STOX2: variants seen among roughly 807,000 people sequenced by gnomAD.
STOX2 encodes storkhead box 2.
A neutral mutation model predicts 60.9 loss-of-function variants in STOX2; 28 were observed. The ratio of observed to expected loss-of-function variants is 0.46; its 90% CI spans 0.34 to 0.63. The LOEUF is 0.63. STOX2 is among the 30% of genes least tolerant of loss of function. The pLI is 0.01. For synonymous variants in STOX2, 472 were observed against 463.9 expected (o/e 1.02, Z -0.22); for missense variants, 1,024 against 1,187.7 (o/e 0.86, Z 2.03).
intron 1 of STOX2, among the ~76,000 whole-genome samples, chr4:183,931,216 G>A (rs894917736): frequency 2.6e-5 from 4 of 152,174 alleles, no homozygotes; most frequent in Admixed American, 6.5e-5. Flanking sequence ...CTGAGGTCAG[G>A]AGTTCAAGAC....
chr4:183,913,947 A>C (rs1380844253), intron 1 of STOX2, among the ~76,000 whole-genome samples: 2 of 152,218 alleles, frequency 1.3e-5, no homozygotes, highest in African/African-American at 4.8e-5. Flanking sequence ...GAATTAAAGA[A>C]ACAATTTTGC....
intron 1 of STOX2, among the ~76,000 whole-genome samples, chr4:183,891,464 G>A (rs1231960959): frequency 6.8e-6 from 1 of 147,088 alleles, no homozygotes; most frequent in Non-Finnish European, 1.5e-5. Context: ...GCAGCAACCT[G>A]GTTAAGATTG....
chr4:183,831,066 G>T (rs562684124), intron 1 of STOX2, among the ~76,000 whole-genome samples: 4 of 152,022 alleles, frequency 2.6e-5, no homozygotes, highest in Admixed American at 2.0e-4. Flanking sequence ...ACCGAACTCC[G>T]GGCCTGAGCA....
intron 1 of STOX2, among the ~76,000 whole-genome samples, chr4:183,949,217 G>A (rs894385266): frequency 1.6e-4 from 25 of 152,260 alleles, no homozygotes; most frequent in African/African-American, 6.0e-4. Flanking sequence ...GGAGATCTCA[G>A]AAATGATCTC....
At position 184,010,841 on chromosome 4, in the gene STOX2, C is replaced by T. The variant is rs755061535; in HGVS notation, c.2003C>T (p.Ser668Leu). 69 of 1,598,354 alleles carry T rather than the reference C, an allele frequency of 4.3e-5. No homozygotes were observed. In the East Asian group the frequency reaches 6.9e-4, roughly 16 times the overall value. The change falls in exon 3 of 4, where the codon TCG becomes TTG. Residue 668 changes from serine (S) to leucine (L), a missense_variant. Around this residue, in one of 3 missense-constraint regions of STOX2, gnomAD observed 922 missense variants for 1,058.3 expected, o/e 0.87. Transcript: ENST00000308497. The surrounding 1 kb of genome is among the most constrained non-coding windows in gnomAD (Gnocchi z 4.5). ...PKGPGGGPAASGGVAEGIANG... is the reference protein window; with the variant it reads ...PKGPGGGPAALGGVAEGIANG... Reference sequence around the variant, plus strand: ...GGGCCGGGTGGGGGCCCCGCTGCTTCGGGAGGAGTGGCTGAAGGGATCGCC... The same window carrying T: ...GGGCCGGGTGGGGGCCCCGCTGCTTTGGGAGGAGTGGCTGAAGGGATCGCC...
chr4:183,868,743 G>A (rs1462792071), intron 1 of STOX2, among the ~76,000 whole-genome samples: 7 of 152,220 alleles, frequency 4.6e-5, no homozygotes, highest in Non-Finnish European at 1.0e-4. Context: ...AATGCAGCAA[G>A]CTGTGTATAG....
intron 1 of STOX2, among the ~76,000 whole-genome samples, chr4:183,888,843 C>T (rs1579377281): frequency 6.6e-6 from 1 of 152,202 alleles, no homozygotes; most frequent in East Asian, 1.9e-4. Flanking sequence ...CGCAATTATG[C>T]TGACTTACTG....
chr4:183,917,444 T>TTAAAACTTAGTTATCA (rs1741963604), intron 1 of STOX2, among the ~76,000 whole-genome samples: 1 of 152,264 alleles, frequency 6.6e-6, no homozygotes. Flanking sequence ...TCACCAAACG[T>TTAAAACTTAGTTATCA]CTAAGATAAA....
chr4:184,009,050 C>A lies in STOX2; in HGVS notation c.320-108C>A. On this transcript the variant is annotated intron_variant, in intron 2 of 3. Coordinates refer to ENST00000308497, the MANE Select transcript of STOX2 (RefSeq NM_020225.3). The surrounding 1 kb of genome is among the most constrained non-coding windows in gnomAD (Gnocchi z 4.0). ...CCTTTGTCTGAATTGTGCATCCTAG[C>A]TCTGTGATGGTACTTCGCATCTTGG... is the stretch of plus-strand genomic sequence containing the variant. The A allele has an allele frequency of 1.2e-6, 1 of 856,210 alleles. No individual in the cohort carries two copies. Among genetic ancestry groups the A allele is most frequent in the South Asian group, 1.9e-5 (1 of 53,996 alleles). 53.0% of individuals were successfully genotyped at this position (856,210 alleles called of 1,614,324 possible). A position where few individuals can be genotyped will look rare whatever the true frequency, so the allele number is the denominator to read the frequency against.
At chr4:183,838,196 TAATTC>T (rs1187300409) in intron 1 of STOX2, among the ~76,000 whole-genome samples, 1 of 150,538 alleles carries the variant, frequency 6.6e-6, no homozygotes, top group Non-Finnish European at 1.5e-5. Context: ...AATATTTAAA[TAATTC>T]AATACATATA....
intron 1 of STOX2, chr4:183,853,477 G>C (rs753278519): frequency 6.6e-6 from 1 of 152,176 alleles, no homozygotes; most frequent in African/African-American, 2.4e-5. Context: ...GAAATGAATT[G>C]CATTAGGATT....
At chr4:183,904,016 T>C (rs894125192), upstream of STOX2, among the ~76,000 whole-genome samples, 4 of 152,136 alleles carry the variant, frequency 2.6e-5, no homozygotes, top group African/African-American at 9.7e-5. Flanking sequence ...AACTAGAGAG[T>C]CCCATCTGGA....
At chr4:183,945,209 T>C (rs1560896706) in intron 1 of STOX2, among the ~76,000 whole-genome samples, 1 of 152,192 alleles carries the variant, frequency 6.6e-6, no homozygotes, top group Non-Finnish European at 1.5e-5. Context: ...TTTACACATC[T>C]TTGAGCTCTT....
intron 1 of STOX2, among the ~76,000 whole-genome samples, chr4:183,882,665 C>A (rs1740984454): frequency 6.6e-6 from 1 of 152,220 alleles, no homozygotes; most frequent in Non-Finnish European, 1.5e-5. Context: ...CTGGGTTACA[C>A]TTTTGCTGCT....
At position 183,825,143 on chromosome 4, in the gene STOX2, T is replaced by A. The variant is rs1171038837; in HGVS notation, c.364+27088T>A. 6.6e-6 allele frequency among the ~76,000 whole-genome samples: 1 copy of A among 152,166 alleles called. No homozygotes were observed. Among genetic ancestry groups the A allele is most frequent in the Non-Finnish European group, 1.5e-5 (1 of 68,026 alleles). Reference sequence around the variant, plus strand: ...AAAGAGGCAGAGCTAGGACTGAGCATCCAAGGTCACCCCATGGTGTCAGGA... The same window carrying A: ...AAAGAGGCAGAGCTAGGACTGAGCAACCAAGGTCACCCCATGGTGTCAGGA... On this transcript the variant is annotated intron_variant, in intron 1 of 2. Transcript: ENST00000513034. This position sits in a 1 kb window ranked among gnomAD's most constrained non-coding sequence, Gnocchi z 4.1.
At chr4:183,922,150 T>C (rs1229286132) in intron 1 of STOX2, among the ~76,000 whole-genome samples, 1 of 152,188 alleles carries the variant, frequency 6.6e-6, no homozygotes, top group Non-Finnish European at 1.5e-5. Context: ...ATTAAATGTA[T>C]AGAAATTGCA....
intron 1 of STOX2, among the ~76,000 whole-genome samples, chr4:183,982,861 C>A: frequency 7.0e-6 from 1 of 142,716 alleles, no homozygotes; most frequent in South Asian, 2.3e-4. Context: ...AGGCTTTTAC[C>A]TTGCCTCAGT....
chr4:183,838,237 A>G (rs1739763019), intron 1 of STOX2, among the ~76,000 whole-genome samples: 1 of 150,630 alleles, frequency 6.6e-6, no homozygotes, highest in Non-Finnish European at 1.5e-5. Context: ...AATTCAATAC[A>G]TATATTGAAA....
chr4:183,916,371 C>T (rs924477387), intron 1 of STOX2, among the ~76,000 whole-genome samples: 1 of 152,254 alleles, frequency 6.6e-6, no homozygotes, highest in African/African-American at 2.4e-5. Context: ...AGCAGAGATG[C>T]GGACCTCATG....
Sources: gnomAD v4.1 joint callset for allele counts (sites outside exome capture counted in the v4.1 genomes callset) on GRCh38, gnomAD v4.1.1 for gene constraint, gnomAD v4.1.1 regional missense constraint, Gnocchi (gnomAD v3.1) non-coding constraint, MANE v1.5 for transcripts, NCBI Gene and HGNC (gene_info 2026-07-23, HGNC 2026-07-21) for gene names.